Variants in MYH11 observed in about 807,000 individuals in gnomAD.
MYH11 encodes myosin-11.
In MYH11, 80 loss-of-function variants were observed where a neutral mutation model predicts 246.6. That is an observed-to-expected ratio of 0.32 (90% CI 0.27 to 0.39). The LOEUF is 0.39. Ranked by LOEUF, MYH11 falls within the 10% of genes least tolerant of loss-of-function variation. The pLI, the probability that MYH11 is intolerant of heterozygous loss-of-function variation, is 1.00. For synonymous variants in MYH11, 1,071 were observed against 1,015.5 expected (o/e 1.05, Z -1.04); for missense variants, 2,158 against 2,546.8 (o/e 0.85, Z 3.29).
intron 4 of MYH11, 43 bp downstream of exon 4, chr16:15,798,617 A>C (rs765071265): frequency 2.7e-5 from 41 of 1,539,394 alleles, no homozygotes; most frequent in East Asian, 1.1e-4. Flanking sequence ...TTAAAAAAAA[A>C]AAAAAACAAA....
intron 2 of MYH11, among the ~76,000 whole-genome samples, chr16:15,831,476 T>TGTGTGTGTGA (rs1354641603): frequency 6.6e-6 from 1 of 151,272 alleles, no homozygotes; most frequent in East Asian, 1.9e-4. Context: ...TGTGTGTGTG[T>TGTGTGTGTGA]GTGTGTGTGT....
chr16:15,838,273 T>A lies in MYH11; in HGVS notation c.-17-4A>T. 1 of 1,611,004 alleles carries A rather than the reference T, an allele frequency of 6.2e-7. No individual in the cohort carries two copies. The highest frequency in any genetic ancestry group is 8.5e-7 in the Non-Finnish European group (1 of 1,177,614). On this transcript the variant is annotated splice_polypyrimidine_tract_variant and splice_region_variant and intron_variant, in intron 1 of 40. Coordinates refer to ENST00000300036, the MANE Select transcript of MYH11 (RefSeq NM_002474.3). The stretch of plus-strand genomic sequence containing the variant: ...GCCATGGTGCCTTGTTGGTCCCCTG[T>A]GGAATAAGGTAACAGGGTCAGAATC...
At chr16:15,798,564 A>C in intron 4 of MYH11, 96 bp downstream of exon 4, 1 of 1,250,722 alleles carries the variant, frequency 8.0e-7, no homozygotes, top group Non-Finnish European at 1.1e-6. Context: ...AGATCTCTGC[A>C]CTCATGGATC....
chr16:15,765,438 A>C lies in MYH11; in HGVS notation c.1034-1547T>G, dbSNP rs927719063. 5.3e-5 allele frequency among the ~76,000 whole-genome samples: 8 copies of C among 151,756 alleles called. 1 individual carries two copies. Among genetic ancestry groups the C allele is most frequent in the Admixed American group, 1.3e-4 (2 of 15,224 alleles). Reference sequence around the variant, plus strand: ...GAATGGATACAGCATTGATGGATGGATGATGGATGGATGAATGGATGGATG... The same window carrying C: ...GAATGGATACAGCATTGATGGATGGCTGATGGATGGATGAATGGATGGATG... On this transcript the variant is annotated intron_variant, in intron 9 of 40. Transcript: ENST00000300036.
intron 25 of MYH11, among the ~76,000 whole-genome samples, chr16:15,736,165 G>A (rs1445691555): frequency 6.6e-6 from 1 of 152,238 alleles, no homozygotes; most frequent in East Asian, 1.9e-4. Context: ...AGCAACAAGA[G>A]AGAAAGTGAA....
intron 3 of MYH11, among the ~76,000 whole-genome samples, chr16:15,803,855 G>A (rs2042947525): frequency 6.6e-6 from 1 of 152,170 alleles, no homozygotes; most frequent in Non-Finnish European, 1.5e-5. Context: ...GCTCCGAGCT[G>A]GGGGCTGCTG....
chr16:15,825,965 T>C (rs999531964), intron 2 of MYH11, among the ~76,000 whole-genome samples: 2 of 152,062 alleles, frequency 1.3e-5, no homozygotes, highest in Non-Finnish European at 1.5e-5. Flanking sequence ...CACAGATCCA[T>C]CTCTCAGTTA....
rs191821319 is a variant in MYH11 at position 15,801,502 on chromosome 16, T to A, written c.503-2815A>T. 6.2e-3 allele frequency among the ~76,000 whole-genome samples: 857 copies of A among 138,254 alleles called. 1 individual carries two copies. Among genetic ancestry groups the A allele is most frequent in the African/African-American group, 0.022 (691 of 31,082 alleles). 90.7% of individuals were successfully genotyped at this position (138,254 alleles called of 152,430 possible). On this transcript the variant is annotated intron_variant, in intron 3 of 40. Coordinates refer to ENST00000300036, the MANE Select transcript of MYH11 (RefSeq NM_002474.3). Reference sequence around the variant, plus strand: ...AAGACCCAGTCTCTACAAAAAAAAATTTTTTTTTAATTAGCTATGTGTGAT... The same window carrying A: ...AAGACCCAGTCTCTACAAAAAAAAAATTTTTTTTAATTAGCTATGTGTGAT...
At chr16:15,737,704 C>T (rs917557075) in intron 24 of MYH11, 84 bp from the exon 25 acceptor site, 10 of 1,495,220 alleles carry the variant, frequency 6.7e-6, no homozygotes, top group African/African-American at 1.4e-5. Context: ...GCATTTTACC[C>T]GGAGGAGATG....
intron 5 of MYH11, chr16:15,785,419 T>C (rs1424164114): frequency 6.6e-6 from 1 of 151,998 alleles, no homozygotes; most frequent in African/African-American, 2.4e-5. Context: ...TTGTTCCCAC[T>C]CACTATGGCT....
chr16:15,773,913 A>G (rs963132411), intron 8 of MYH11, among the ~76,000 whole-genome samples: 2 of 151,210 alleles, frequency 1.3e-5, no homozygotes, highest in Non-Finnish European at 2.9e-5. Flanking sequence ...CTTCTCCCCC[A>G]CCCCCAACTT....
intron 3 of MYH11, among the ~76,000 whole-genome samples, chr16:15,800,140 G>T (rs2042846482): frequency 6.6e-6 from 1 of 150,956 alleles, no homozygotes; most frequent in Non-Finnish European, 1.5e-5. Flanking sequence ...GGATAGATGA[G>T]TAGATGGATG....
intron 3 of MYH11, among the ~76,000 whole-genome samples, chr16:15,807,604 C>CCTCCGAG (rs1298725515): frequency 6.6e-6 from 1 of 152,094 alleles, no homozygotes; most frequent in Non-Finnish European, 1.5e-5. Context: ...CAGTACCGAG[C>CCTCCGAG]CTCCGTGGAG....
At chr16:15,806,587 C>A (rs1169990231) in intron 3 of MYH11, among the ~76,000 whole-genome samples, 1 of 152,136 alleles carries the variant, frequency 6.6e-6, no homozygotes, top group Non-Finnish European at 1.5e-5. Context: ...TGAACTGTAT[C>A]CTTAAAATGA....
intron 3 of MYH11, among the ~76,000 whole-genome samples, chr16:15,807,164 G>A (rs750029081): frequency 2.0e-5 from 3 of 151,902 alleles, no homozygotes; most frequent in Admixed American, 6.6e-5. Flanking sequence ...TTTTTTTGTA[G>A]AGACAGGGCC....
At position 15,735,439 on chromosome 16, in the gene MYH11, C is replaced by G; in HGVS notation, c.3433G>C (p.Gly1145Arg). 6.2e-7 allele frequency: 1 copy of G among 1,614,076 alleles called. No homozygotes were observed. Among genetic ancestry groups the G allele is most frequent in the Non-Finnish European group, 8.5e-7 (1 of 1,180,022 alleles). The change falls in exon 26 of 41, where the codon GGC becomes CGC. Residue 1145 changes from glycine (G) to arginine (R), a missense_variant. Gly to Arg is a moderately radical substitution (Grantham distance 125, BLOSUM62 -2). Coordinates refer to ENST00000300036, the MANE Select transcript of MYH11 (RefSeq NM_002474.3). ...NKAEKQKRDL[G>R]EELEALKTEL... ...GTCTTTAGGGCCTCCAGCTCCTCGC[C>G]GAGGTCTCGCTTCTGCTTTTCAGCC...
intron 14 of MYH11, among the ~76,000 whole-genome samples, chr16:15,754,801 T>C (rs2041667997): frequency 6.6e-6 from 1 of 152,220 alleles, no homozygotes; most frequent in South Asian, 2.1e-4. Flanking sequence ...GTAGCTGAGG[T>C]TACAGTTGTG....
chr16:15,750,893 G>C lies in MYH11; in HGVS notation c.1865-562C>G, dbSNP rs1323528482. Among the ~76,000 whole-genome samples, 1 of 152,076 alleles carries C rather than the reference G, an allele frequency of 6.6e-6. No homozygotes were observed. Among genetic ancestry groups the C allele is most frequent in the Non-Finnish European group, 1.5e-5 (1 of 68,016 alleles). Reference sequence around the variant, plus strand: ...AGTATGGAATATCTTGAGTAGTGAGGTGTGCGTAGAAAAATAAAAATAGGG... The same window carrying C: ...AGTATGGAATATCTTGAGTAGTGAGCTGTGCGTAGAAAAATAAAAATAGGG... On this transcript the variant is annotated intron_variant, in intron 15 of 40. Transcript: ENST00000300036. This position sits in a 1 kb window ranked among gnomAD's most constrained non-coding sequence, Gnocchi z 4.3.
intron 10 of MYH11, among the ~76,000 whole-genome samples, chr16:15,762,385 T>G (rs1315932828): frequency 6.6e-6 from 1 of 152,164 alleles, no homozygotes; most frequent in Non-Finnish European, 1.5e-5. Context: ...AGGTTTGAAA[T>G]TATGGTTTAG....
Sources: gnomAD v4.1 joint callset for allele counts (sites outside exome capture counted in the v4.1 genomes callset) on GRCh38, gnomAD v4.1.1 for gene constraint, Gnocchi (gnomAD v3.1) non-coding constraint, MANE v1.5 for transcripts, NCBI Gene and HGNC (gene_info 2026-07-23, HGNC 2026-07-21) for gene names.